Variants in KDM4C observed in about 807,000 individuals in gnomAD.
The protein encoded by KDM4C is lysine-specific demethylase 4C.
In KDM4C, 81 loss-of-function variants were observed where a neutral mutation model predicts 129.3. That is an observed-to-expected ratio of 0.63 (90% CI 0.52 to 0.75). The LOEUF is 0.75. Among genes scored for constraint, KDM4C ranks in the 30% least tolerant of loss-of-function variants. The pLI is 0.00. For missense variants in KDM4C, 1,457 were observed against 1,304.0 expected, an observed-to-expected ratio of 1.12 and a Z score of -1.81; for synonymous variants, 573 against 456.1, an observed-to-expected ratio of 1.26 and a Z score of -3.26.
intron 1 of KDM4C, among the ~76,000 whole-genome samples, chr9:6,742,625 G>A (rs1355722251): frequency 6.8e-6 from 1 of 146,836 alleles, no homozygotes; most frequent in Non-Finnish European, 1.5e-5. Flanking sequence ...ATGAATATCA[G>A]CCCTTTGGTA....
At chr9:6,799,818 T>C (rs1217248034) in intron 2 of KDM4C, among the ~76,000 whole-genome samples, 2 of 152,026 alleles carry the variant, frequency 1.3e-5, no homozygotes, top group African/African-American at 4.8e-5. Context: ...TTCTTAAATA[T>C]AGTGCCCCTC....
At position 6,758,656 on chromosome 9, in the gene KDM4C, C is replaced by T. The variant is rs1052227968; in HGVS notation, c.-18+453C>T. Among the ~76,000 whole-genome samples the T allele has an allele frequency of 1.8e-4, 28 of 152,234 alleles. No individual in the cohort carries two copies. Among genetic ancestry groups the T allele is most frequent in the African/African-American group, 5.3e-4 (22 of 41,462 alleles). ...CGGGGTGAGGGTGGGAGCTCCTCTC[C>T]TGACCACCCGTTGCAGGCAGTCATC... On this transcript the variant is annotated intron_variant, in intron 1 of 21. Coordinates refer to ENST00000381309, the MANE Select transcript of KDM4C (RefSeq NM_015061.6). The surrounding 1 kb of genome is among the most constrained non-coding windows in gnomAD (Gnocchi z 4.6).
At chr9:6,942,007 T>G (rs1826034658) in intron 8 of KDM4C, among the ~76,000 whole-genome samples, 1 of 152,190 alleles carries the variant, frequency 6.6e-6, no homozygotes, top group South Asian at 2.1e-4. Context: ...TCTTGAAAAC[T>G]TCAGATGATT....
rs976026215 is a variant in KDM4C, at chr9:7,013,977, A to C, written c.2158A>C (p.Lys720Gln). The C allele has an allele frequency of 1.2e-6, 2 of 1,613,810 alleles. No individual in the cohort carries two copies. The highest frequency in any genetic ancestry group is 1.1e-5 in the South Asian group (1 of 91,060). ...DGTSLLISCAKCCVRVHASCY... is the reference protein window; with the variant it reads ...DGTSLLISCAQCCVRVHASCY... ...AACAAGTCTCCTTATTTCCTGTGCA[A>C]AGTGCTGCGTACGGGTTCATGCAAG... Residue 720 changes from lysine to glutamine, a missense_variant, in exon 14 of 22, where the codon AAG becomes CAG. Lys to Gln is a moderately conservative substitution (Grantham distance 53). Transcript: ENST00000381309.
chr9:6,844,998 A>G (rs1837606532), intron 4 of KDM4C, among the ~76,000 whole-genome samples: 1 of 152,062 alleles, frequency 6.6e-6, no homozygotes, highest in African/African-American at 2.4e-5. Flanking sequence ...TAGGACCCAT[A>G]TTTCTAATGT....
chr9:6,846,226 A>G (rs1231370026), intron 4 of KDM4C, among the ~76,000 whole-genome samples: 3 of 151,242 alleles, frequency 2.0e-5, no homozygotes, highest in East Asian at 1.9e-4. Flanking sequence ...GGGAAGGTCC[A>G]GGAGTCAGAT....
chr9:6,949,436 G>T (rs1589263511), intron 8 of KDM4C, among the ~76,000 whole-genome samples: 1 of 152,192 alleles, frequency 6.6e-6, no homozygotes, highest in Admixed American at 6.5e-5. Context: ...TCCCAGACGG[G>T]GTGGCGGCTG....
rs201267627 is a variant in KDM4C, at chr9:6,856,539, CGTGTGTGTGTGT to C, written c.629+6870_629+6881del. Among the ~76,000 whole-genome samples, 1,020 of 131,598 alleles carry C rather than the reference CGTGTGTGTGTGT, an allele frequency of 7.8e-3. 16 individuals are homozygous for C. The highest frequency in any genetic ancestry group is 0.053 in the East Asian group (237 of 4,482). 86.3% of individuals were successfully genotyped at this position (131,598 alleles called of 152,430 possible). On this transcript the variant is annotated intron_variant, in intron 5 of 21. Transcript: ENST00000381309. ...TTTTAGGCATATCTCTCTCTGTGTG[CGTGTGTGTGTGT>C]GTGTGTGTGTGTGTGTGTGTGTGTG...
intron 1 of KDM4C, among the ~76,000 whole-genome samples, chr9:6,748,123 A>G (rs934813978): frequency 6.6e-5 from 10 of 151,622 alleles, no homozygotes; most frequent in Admixed American, 2.6e-4. Context: ...CAGAGATCGC[A>G]CCACTGCACT....
intron 17 of KDM4C, among the ~76,000 whole-genome samples, chr9:7,099,485 C>T (rs1836831407): frequency 6.6e-6 from 1 of 152,218 alleles, no homozygotes; most frequent in Non-Finnish European, 1.5e-5. Context: ...CTATAAATCA[C>T]ACCTGCCTGA....
At chr9:7,159,559 T>C (rs1201354064) in intron 19 of KDM4C, among the ~76,000 whole-genome samples, 3 of 152,246 alleles carry the variant, frequency 2.0e-5, no homozygotes, top group African/African-American at 7.2e-5. Flanking sequence ...TTTGCTTGTC[T>C]GTAAAGGATT....
chr9:7,109,783 T>G (rs963542172), intron 18 of KDM4C, among the ~76,000 whole-genome samples: 1 of 152,210 alleles, frequency 6.6e-6, no homozygotes, highest in African/African-American at 2.4e-5. Flanking sequence ...AGGTGACTGC[T>G]TTATTTCTAA....
At chr9:7,070,369 G>A (rs2132806127) in intron 17 of KDM4C, among the ~76,000 whole-genome samples, 1 of 152,148 alleles carries the variant, frequency 6.6e-6, no homozygotes, top group African/African-American at 2.4e-5. Flanking sequence ...GAAGTGAAGG[G>A]AACACCTCCC....
At chr9:7,151,383 G>A (rs992539639) in intron 19 of KDM4C, among the ~76,000 whole-genome samples, 2 of 151,960 alleles carry the variant, frequency 1.3e-5, no homozygotes, top group Non-Finnish European at 2.9e-5. Flanking sequence ...CAGAAAGGGT[G>A]TGTATGTGTC....
At chr9:6,981,203 C>A (rs1816715781) in intron 9 of KDM4C, 85 bp downstream of exon 9, 2 of 1,052,734 alleles carry the variant, frequency 1.9e-6, no homozygotes, top group Non-Finnish European at 2.7e-6. Flanking sequence ...AATTTACTTG[C>A]TTTTTCTATT....
chr9:7,167,614 TAATTCCA>T (rs1844524052), intron 20 of KDM4C, among the ~76,000 whole-genome samples: 1 of 152,236 alleles, frequency 6.6e-6, no homozygotes, highest in South Asian at 2.1e-4. Flanking sequence ...GACTGGCACC[TAATTCCA>T]CTGTATTGTT....
At chr9:6,750,453 AGCTCTTC>A (rs1563927472) in intron 1 of KDM4C, among the ~76,000 whole-genome samples, 1 of 150,466 alleles carries the variant, frequency 6.6e-6, no homozygotes. Flanking sequence ...AAAAAAAAAA[AGCTCTTC>A]ACGAGGCAAA....
chr9:7,115,358 C>T (rs1432589889), intron 18 of KDM4C, among the ~76,000 whole-genome samples: 1 of 152,012 alleles, frequency 6.6e-6, no homozygotes, highest in Non-Finnish European at 1.5e-5. Context: ...CACGCAGAAT[C>T]GTCTGATAGC....
At chr9:6,867,374 C>A (rs566607067) in intron 5 of KDM4C, among the ~76,000 whole-genome samples, 1 of 152,284 alleles carries the variant, frequency 6.6e-6, no homozygotes, top group South Asian at 2.1e-4. Context: ...ATCCAGCTTG[C>A]TTCTATAGCA....
Sources: gnomAD v4.1 joint callset for allele counts (sites outside exome capture counted in the v4.1 genomes callset) on GRCh38, gnomAD v4.1.1 for gene constraint, Gnocchi (gnomAD v3.1) non-coding constraint, MANE v1.5 for transcripts, NCBI Gene and HGNC (gene_info 2026-07-23, HGNC 2026-07-21) for gene names.